Variants in KAT6B observed in about 807,000 individuals in gnomAD.
The protein encoded by KAT6B is lysine acetyltransferase 6B.
Under a neutral mutation model 187.5 loss-of-function variants are expected in KAT6B, and 10 were observed. That is an observed-to-expected ratio of 0.05 (90% CI 0.03 to 0.09). The LOEUF is 0.09. Ranked by LOEUF, KAT6B falls within the 10% of genes least tolerant of loss-of-function variation. The pLI, the probability that KAT6B is intolerant of heterozygous loss-of-function variation, is 1.00. For synonymous variants in KAT6B, 861 were observed against 926.8 expected, an observed-to-expected ratio of 0.93 and a Z score of 1.29; for missense variants, 1,952 against 2,558.9, an observed-to-expected ratio of 0.76 and a Z score of 5.12.
intron 3 of KAT6B, among the ~76,000 whole-genome samples, chr10:74,903,731 A>G (rs1337983796): frequency 6.6e-6 from 1 of 152,164 alleles, no homozygotes; most frequent in African/African-American, 2.4e-5. Flanking sequence ...GAGCTCATGA[A>G]TGGGTGTTGT....
chr10:74,892,238 T>C (rs1845688760), intron 3 of KAT6B, among the ~76,000 whole-genome samples: 2 of 152,140 alleles, frequency 1.3e-5, no homozygotes, highest in Non-Finnish European at 1.5e-5. Flanking sequence ...CATGGTGGTG[T>C]GCACCTGTAG....
chr10:74,874,865 C>CT (rs77486895), intron 3 of KAT6B, among the ~76,000 whole-genome samples: 2 of 151,332 alleles, frequency 1.3e-5, no homozygotes, highest in South Asian at 4.2e-4. Context: ...TAAAAGTAGA[C>CT]TTTTTTTTGA....
intron 3 of KAT6B, among the ~76,000 whole-genome samples, chr10:74,951,339 C>G (rs976253514): frequency 2.0e-5 from 3 of 152,028 alleles, no homozygotes; most frequent in African/African-American, 7.2e-5. Context: ...ACCATGTTGG[C>G]CAGGCTGGTC....
At chr10:74,834,202 G>GTTT (rs779791101) in intron 1 of KAT6B, among the ~76,000 whole-genome samples, 2 of 140,984 alleles carry the variant, frequency 1.4e-5, no homozygotes, top group Non-Finnish European at 3.1e-5. Flanking sequence ...CTTTATTTCT[G>GTTT]TTTTTTTTTT....
At chr10:74,969,418 A>G (rs1841705881) in intron 4 of KAT6B, among the ~76,000 whole-genome samples, 1 of 152,160 alleles carries the variant, frequency 6.6e-6, no homozygotes, top group Admixed American at 6.5e-5. Flanking sequence ...TGGAATTGGT[A>G]TAAATTAAGT....
At chr10:75,003,774 T>C (rs1844015657) in intron 13 of KAT6B, among the ~76,000 whole-genome samples, 1 of 152,208 alleles carries the variant, frequency 6.6e-6, no homozygotes, top group Admixed American at 6.5e-5. Context: ...AAAATTGAGC[T>C]CTCAGTGATT....
chr10:74,979,820 T>C (rs1842395868), intron 10 of KAT6B, among the ~76,000 whole-genome samples: 1 of 152,102 alleles, frequency 6.6e-6, no homozygotes, highest in African/African-American at 2.4e-5. Context: ...GAATGGGTAG[T>C]CTTAAGAGAC....
intron 3 of KAT6B, among the ~76,000 whole-genome samples, chr10:74,913,665 G>C (rs891728280): frequency 6.6e-6 from 1 of 152,240 alleles, no homozygotes; most frequent in Admixed American, 6.5e-5. Context: ...ACAACTTATA[G>C]TGTAGAAATT....
intron 6 of KAT6B, 132 bp downstream of exon 6, chr10:74,970,233 G>A (rs905433721): frequency 2.9e-6 from 2 of 691,418 alleles, no homozygotes; most frequent in African/African-American, 3.6e-5. Flanking sequence ...CTATACTTCT[G>A]AGTTTAGCAC....
chr10:74,973,010 C>T (rs1841943902), intron 7 of KAT6B, among the ~76,000 whole-genome samples: 1 of 152,162 alleles, frequency 6.6e-6, no homozygotes, highest in Non-Finnish European at 1.5e-5. Context: ...TTGTCCATGT[C>T]TATAGCAAAT....
At chr10:74,853,583 C>T (rs1048227514) in intron 3 of KAT6B, among the ~76,000 whole-genome samples, 5 of 150,954 alleles carry the variant, frequency 3.3e-5, no homozygotes, top group Non-Finnish European at 5.9e-5. Context: ...CGTGAGCCAC[C>T]GTGCTCAGCC....
intron 3 of KAT6B, among the ~76,000 whole-genome samples, chr10:74,949,540 A>G (rs1340827153): frequency 6.6e-6 from 1 of 152,222 alleles, no homozygotes; most frequent in African/African-American, 2.4e-5. Context: ...ACTTTCCTTA[A>G]TCAGCACTTT....
intron 3 of KAT6B, among the ~76,000 whole-genome samples, chr10:74,870,789 C>G (rs991594892): frequency 5.3e-5 from 8 of 151,978 alleles, no homozygotes; most frequent in African/African-American, 1.9e-4. Context: ...GTTGGTCAGG[C>G]TGGCCTCAAA....
intron 1 of KAT6B, among the ~76,000 whole-genome samples, chr10:74,836,849 A>C (rs1041343529): frequency 1.3e-5 from 2 of 152,254 alleles, no homozygotes; most frequent in Non-Finnish European, 2.9e-5. Context: ...CAGGTTTTCC[A>C]ACAGTGATCC....
At chr10:74,968,853 G>T (rs901985803) in intron 4 of KAT6B, among the ~76,000 whole-genome samples, 4 of 152,166 alleles carry the variant, frequency 2.6e-5, no homozygotes, top group Non-Finnish European at 5.9e-5. Context: ...GCTCATGGCT[G>T]GCTCCTTTGA....
chr10:74,926,205 G>A (rs1283100592), intron 3 of KAT6B, among the ~76,000 whole-genome samples: 4 of 152,336 alleles, frequency 2.6e-5, no homozygotes, highest in South Asian at 4.1e-4. Context: ...TATAATCCTA[G>A]CACTTTGGGA....
At chr10:74,968,115 C>T (rs1238278168) in intron 4 of KAT6B, among the ~76,000 whole-genome samples, 1 of 152,128 alleles carries the variant, frequency 6.6e-6, no homozygotes, top group African/African-American at 2.4e-5. Context: ...GGGCTCTGAT[C>T]AAAGTAGACC....
In KAT6B at chr10:75,029,278, G is replaced by A; in HGVS notation, c.4454G>A (p.Cys1485Tyr). ...MDCGVDLTASCNSEPKELAGD... is the reference protein window; with the variant it reads ...MDCGVDLTASYNSEPKELAGD... Reference sequence around the variant, plus strand: ...TGTGGCGTCGACCTGACAGCTTCTTGTAACAGTGAGCCCAAGGAGCTTGCT... The same window carrying A: ...TGTGGCGTCGACCTGACAGCTTCTTATAACAGTGAGCCCAAGGAGCTTGCT... Residue 1485 changes from cysteine to tyrosine, a missense_variant, in exon 18 of 18, where the codon TGT becomes TAT. Around this residue, in one of 9 missense-constraint regions of KAT6B, gnomAD observed 758 missense variants for 891.4 expected, o/e 0.85. Transcript: ENST00000287239. The surrounding 1 kb of genome is among the most constrained non-coding windows in gnomAD (Gnocchi z 6.2). The A allele has an allele frequency of 6.2e-7, 1 of 1,614,164 alleles. No homozygotes were observed. The highest frequency in any genetic ancestry group is 8.5e-7 in the Non-Finnish European group (1 of 1,180,030).
At chr10:74,923,469 G>A (rs1848284057) in intron 3 of KAT6B, among the ~76,000 whole-genome samples, 1 of 152,160 alleles carries the variant, frequency 6.6e-6, no homozygotes, top group Non-Finnish European at 1.5e-5. Context: ...GAAAAATAAA[G>A]CAGAGTAAGG....
Sources: gnomAD v4.1 joint callset for allele counts (sites outside exome capture counted in the v4.1 genomes callset) on GRCh38, gnomAD v4.1.1 for gene constraint, gnomAD v4.1.1 regional missense constraint, Gnocchi (gnomAD v3.1) non-coding constraint, MANE v1.5 for transcripts, NCBI Gene and HGNC (gene_info 2026-07-23, HGNC 2026-07-21) for gene names.